CCDC88A: variants seen among roughly 807,000 people sequenced by gnomAD.
CCDC88A encodes the protein coiled-coil and HOOK domain protein 88A, also known as girdin.
CCDC88A carries 54 observed loss-of-function variants against 234.3 expected under a neutral mutation model. That is an observed-to-expected ratio of 0.23 (90% CI 0.19 to 0.29). The LOEUF is 0.29. Ranked by LOEUF, CCDC88A falls within the 10% of genes least tolerant of loss-of-function variation. CCDC88A has a pLI of 1.00. For missense variants in CCDC88A, 1,832 were observed against 2,123.4 expected (o/e 0.86, Z 2.70); for synonymous variants, 753 against 737.8 (o/e 1.02, Z -0.33).
intron 2 of CCDC88A, among the ~76,000 whole-genome samples, chr2:55,411,929 C>T (rs941857469): frequency 2.0e-5 from 3 of 151,722 alleles, no homozygotes; most frequent in African/African-American, 4.8e-5. Context: ...GATATAACAT[C>T]GGTGGGAAAA....
At chr2:55,292,090 G>A (rs937841748) in intron 31 of CCDC88A, 4 of 197,140 alleles carry the variant, frequency 2.0e-5, no homozygotes, top group Non-Finnish European at 4.1e-5. Context: ...AATCTTGCAT[G>A]TAGTAGCAAA....
intron 2 of CCDC88A, among the ~76,000 whole-genome samples, chr2:55,410,493 T>G (rs1378278213): frequency 2.0e-5 from 3 of 152,234 alleles, no homozygotes; most frequent in Non-Finnish European, 4.4e-5. Context: ...AGGCCTATTG[T>G]GGTAAATGGA....
rs751920454 is a variant in CCDC88A at position 55,332,699 on chromosome 2, T to A, written c.2728-6A>T. ...AACTTTTCACTCACCAAATCCTTATTTTAAAAGAAATGCAAAACTCACCTA... is the reference window on the plus strand; with the variant it reads ...AACTTTTCACTCACCAAATCCTTATATTAAAAGAAATGCAAAACTCACCTA... On this transcript the variant is annotated splice_region_variant and splice_polypyrimidine_tract_variant and intron_variant, in intron 15 of 32. Transcript: ENST00000436346. This position sits in a 1 kb window ranked among gnomAD's most constrained non-coding sequence, Gnocchi z 4.5. 3.1e-6 allele frequency: 5 copies of A among 1,612,466 alleles called. No individual in the cohort carries two copies. The Admixed American group carries it at 8.3e-5, about 27-fold the overall frequency.
intron 13 of CCDC88A, chr2:55,337,461 T>G (rs1667938411): frequency 6.6e-6 from 1 of 152,188 alleles, no homozygotes; most frequent in Non-Finnish European, 1.5e-5. Context: ...ATATAACATA[T>G]TCAAACCAGG....
At chr2:55,293,618 A>G (rs1679691561) in intron 31 of CCDC88A, 2 of 152,162 alleles carry the variant, frequency 1.3e-5, no homozygotes. Context: ...TAATACAACA[A>G]CAACAACAAC....
At chr2:55,373,968 T>C (rs1019151852) in intron 4 of CCDC88A, among the ~76,000 whole-genome samples, 1 of 152,222 alleles carries the variant, frequency 6.6e-6, no homozygotes, top group Non-Finnish European at 1.5e-5. Context: ...ATTACAATTC[T>C]AAAATATCAC....
In CCDC88A at chr2:55,296,401, T is replaced by C; in HGVS notation, c.4948A>G (p.Thr1650Ala). 6.2e-7 allele frequency: 1 copy of C among 1,614,222 alleles called. No individual in the cohort carries two copies. The highest frequency in any genetic ancestry group is 1.1e-5 in the South Asian group (1 of 91,086). Residue 1650 changes from threonine (T) to alanine (A), a missense_variant, in exon 30 of 33, where the codon ACC (threonine) becomes GCC (alanine). Physicochemically the swap from Thr to Ala is moderately conservative, Grantham distance 58. Transcript: ENST00000436346. ...TGCTGGAGCACTGGGCTTGATCTGG[T>C]CTGTCTTTTCAAGTACTGGATTGGA... Reference protein sequence around the residue: ...SSPIQYLKRQTRSSPVLQHKI... With the variant: ...SSPIQYLKRQARSSPVLQHKI...
intron 2 of CCDC88A, among the ~76,000 whole-genome samples, chr2:55,407,845 G>A (rs958712512): frequency 6.7e-5 from 10 of 148,326 alleles, no homozygotes; most frequent in African/African-American, 2.2e-4. Flanking sequence ...TGCCTCCCGT[G>A]TAGCTGGGAT....
At chr2:55,401,470 A>ATGTT (rs1678657018) in intron 2 of CCDC88A, among the ~76,000 whole-genome samples, 1 of 31,502 alleles carries the variant, frequency 3.2e-5, no homozygotes, top group African/African-American at 8.2e-5. Flanking sequence ...ATATATACAT[A>ATGTT]TGTGTGTGTA....
At chr2:55,312,285 G>A in intron 23 of CCDC88A, 149 bp downstream of exon 23, 1 of 612,438 alleles carries the variant, frequency 1.6e-6, no homozygotes, top group Non-Finnish European at 2.8e-6. Flanking sequence ...TAGTATTTCT[G>A]ATTATTAGAA....
At chr2:55,337,110 C>A in intron 13 of CCDC88A, 1 of 197,934 alleles carries the variant, frequency 5.1e-6, no homozygotes, top group Non-Finnish European at 1.0e-5. Context: ...GAGAACTATA[C>A]AAACTTTATT....
intron 2 of CCDC88A, among the ~76,000 whole-genome samples, chr2:55,416,034 A>G (rs1346171466): frequency 6.6e-6 from 1 of 152,144 alleles, no homozygotes; most frequent in African/African-American, 2.4e-5. Context: ...AACAGAATCC[A>G]TAATGGGAAG....
intron 3 of CCDC88A, among the ~76,000 whole-genome samples, chr2:55,384,377 A>T: frequency 6.7e-6 from 1 of 150,318 alleles, no homozygotes; most frequent in East Asian, 1.9e-4. Context: ...AACAGTGCTA[A>T]TTTCCTGGCA....
At chr2:55,303,187 G>A (rs1174842480) in intron 25 of CCDC88A, 35 bp from the exon 26 acceptor site, 3 of 1,306,894 alleles carry the variant, frequency 2.3e-6, no homozygotes, top group African/African-American at 1.5e-5. Context: ...AACAGAAACA[G>A]GGAGATGAAA....
chr2:55,312,431 T>G lies in CCDC88A; in HGVS notation c.4079+3A>C. 1 of 1,611,002 alleles carries G rather than the reference T, an allele frequency of 6.2e-7. No individual in the cohort carries two copies. The highest frequency in any genetic ancestry group is 8.5e-7 in the Non-Finnish European group (1 of 1,178,348). ...TCAGAGTGCAAAATTATTTGGTACCTACATGTACTGTCTTTGTTCAACATG... is the reference window on the plus strand; with the variant it reads ...TCAGAGTGCAAAATTATTTGGTACCGACATGTACTGTCTTTGTTCAACATG... On this transcript the variant is annotated splice_donor_region_variant and intron_variant, in intron 23 of 32. Coordinates refer to ENST00000436346, the MANE Select transcript of CCDC88A (RefSeq NM_001365480.1).
In CCDC88A at chr2:55,332,575, G is replaced by C; in HGVS notation, c.2846C>G (p.Thr949Ser). Residue 949 changes from threonine to serine, a missense_variant, in exon 16 of 33, where the codon ACT becomes AGT. This residue lies in a region of CCDC88A where 1,282 missense variants were observed against 1,543.6 expected (regional missense o/e 0.83). Coordinates refer to ENST00000436346, the MANE Select transcript of CCDC88A (RefSeq NM_001365480.1). This position sits in a 1 kb window ranked among gnomAD's most constrained non-coding sequence, Gnocchi z 4.5. ...KERLLHDEQS[T>S]DDSRYKLLES... ...TAGACTTAGTACTCACCTGTCATCAGTACTTTGTTCATCATGTAAGAGTCG... is the reference window on the plus strand; with the variant it reads ...TAGACTTAGTACTCACCTGTCATCACTACTTTGTTCATCATGTAAGAGTCG... 1 of 1,612,154 alleles carries C rather than the reference G, an allele frequency of 6.2e-7. No individual in the cohort carries two copies. The highest frequency in any genetic ancestry group is 8.5e-7 in the Non-Finnish European group (1 of 1,179,436).
rs543030691 is a variant in CCDC88A at position 55,318,154 on chromosome 2, T to C, written c.3325-313A>G. Among the ~76,000 whole-genome samples the C allele has an allele frequency of 2.3e-4, 35 of 152,286 alleles. 1 individual carries two copies. In the South Asian group the frequency reaches 7.2e-3, roughly 32 times the overall value. On this transcript the variant is annotated intron_variant, in intron 19 of 32. Coordinates refer to ENST00000436346, the MANE Select transcript of CCDC88A (RefSeq NM_001365480.1). ...GTATTATATTACAAATGAAAATGTA[T>C]AGAATTTGAAGTACTAGTTTATCAT...
chr2:55,366,488 C>G (rs1671971065), intron 5 of CCDC88A, among the ~76,000 whole-genome samples: 1 of 151,568 alleles, frequency 6.6e-6, no homozygotes, highest in Non-Finnish European at 1.5e-5. Flanking sequence ...GATTGCGCCA[C>G]TACACTCCAG....
chr2:55,337,669 A>G (rs1667968831), intron 13 of CCDC88A: 1 of 152,152 alleles, frequency 6.6e-6, no homozygotes, highest in South Asian at 2.1e-4. Context: ...TCTACCAAAA[A>G]CAAAACAAAA....
Sources: allele counts gnomAD v4.1 joint callset (sites outside exome capture counted in the v4.1 genomes callset), GRCh38; gene constraint gnomAD v4.1.1; regional missense constraint gnomAD v4.1.1; non-coding constraint Gnocchi (gnomAD v3.1); transcripts MANE v1.5; gene names NCBI Gene and HGNC (gene_info 2026-07-23, HGNC 2026-07-21).